Variants in EYS observed in about 807,000 individuals in gnomAD.
EYS encodes protein eyes shut homolog.
EYS carries 250 observed loss-of-function variants against 282.1 expected under a neutral mutation model. The observed-to-expected ratio is 0.89, with a 90% confidence interval of 0.80 to 0.98. EYS has a LOEUF of 0.98. Ranked by LOEUF, EYS falls within the 50% of genes least tolerant of loss-of-function variation. The pLI is 0.00. For missense variants in EYS, 4,016 were observed against 3,709.0 expected, an observed-to-expected ratio of 1.08 and a Z score of -2.15; for synonymous variants, 1,355 against 1,282.9, an observed-to-expected ratio of 1.06 and a Z score of -1.20.
intron 41 of EYS, among the ~76,000 whole-genome samples, chr6:63,746,526 T>G (rs1231032831): frequency 6.6e-6 from 1 of 152,224 alleles, no homozygotes; most frequent in Non-Finnish European, 1.5e-5. Flanking sequence ...GTACCTCTGG[T>G]AGAATTTGGC....
chr6:65,451,957 G>A (rs1476850474), intron 5 of EYS, among the ~76,000 whole-genome samples: 1 of 151,678 alleles, frequency 6.6e-6, no homozygotes, highest in Non-Finnish European at 1.5e-5. Flanking sequence ...CTTGTTAAAT[G>A]TTTTAAAGGA....
chr6:63,814,707 G>A (rs1472198409), intron 36 of EYS, among the ~76,000 whole-genome samples: 1 of 152,110 alleles, frequency 6.6e-6, no homozygotes, highest in African/African-American at 2.4e-5. Context: ...CTAGGTACTG[G>A]TAGGATGTTT....
chr6:65,409,697 T>A (rs1029267939), intron 5 of EYS, among the ~76,000 whole-genome samples: 81 of 152,124 alleles, frequency 5.3e-4, no homozygotes, highest in Non-Finnish European at 7.5e-4. Context: ...AACATATTTA[T>A]TGAAAAATTT....
chr6:64,817,358 A>G (rs1349944040), intron 21 of EYS, among the ~76,000 whole-genome samples: 6 of 152,182 alleles, frequency 3.9e-5, no homozygotes, highest in Admixed American at 2.0e-4. Flanking sequence ...ACTATGTACT[A>G]ATGAAAGAAT....
intron 19 of EYS, among the ~76,000 whole-genome samples, chr6:64,827,004 A>C (rs981727891): frequency 4.0e-5 from 6 of 151,754 alleles, no homozygotes; most frequent in Admixed American, 6.6e-5. Flanking sequence ...CTCCTGGTTT[A>C]TAAACCTGAT....
intron 36 of EYS, among the ~76,000 whole-genome samples, chr6:63,833,019 C>T (rs1771690204): frequency 6.6e-6 from 1 of 152,146 alleles, no homozygotes; most frequent in African/African-American, 2.4e-5. Context: ...TTCAGCAGGC[C>T]TTCATGCTAA....
In EYS at chr6:64,081,856, T is replaced by C; in HGVS notation, c.6571A>G (p.Ser2191Gly). Residue 2191 changes from serine (S) to glycine (G), a missense_variant and splice_region_variant, in exon 32 of 43, where the codon AGT (serine) becomes GGT (glycine). Coordinates refer to ENST00000503581, the MANE Select transcript of EYS (RefSeq NM_001142800.2). ...TNSLNGTILY[S>G]NGNNCGKQFL... is the part of the protein sequence containing the mutation. ...AAGAAGTCAAACATTTAATACTCAC[T>C]GTAAAGAATAGTTCCATTTAAACTG... 1.3e-6 allele frequency: 2 copies of C among 1,513,024 alleles called. No homozygotes were observed. Among genetic ancestry groups the C allele is most frequent in the Non-Finnish European group, 1.8e-6 (2 of 1,120,398 alleles). 93.7% of individuals were successfully genotyped at this position (1,513,024 alleles called of 1,614,324 possible). A position where few individuals can be genotyped will look rare whatever the true frequency, so the allele number is the denominator to read the frequency against.
intron 19 of EYS, among the ~76,000 whole-genome samples, chr6:64,826,081 TTA>T (rs1288633119): frequency 6.6e-6 from 1 of 151,854 alleles, no homozygotes; most frequent in African/African-American, 2.4e-5. Context: ...CTACATTGCC[TTA>T]TATACCAGGT....
intron 23 of EYS, among the ~76,000 whole-genome samples, chr6:64,618,354 C>T (rs1190880389): frequency 6.6e-6 from 1 of 152,142 alleles, no homozygotes; most frequent in Admixed American, 6.5e-5. Flanking sequence ...ATGCTAGCCA[C>T]AACATCATGT....
chr6:65,515,075 A>C (rs1767070053), intron 2 of EYS, among the ~76,000 whole-genome samples: 2 of 152,210 alleles, frequency 1.3e-5, no homozygotes, highest in African/African-American at 4.8e-5. Flanking sequence ...ATCTACAACG[A>C]ACTCAAACAA....
chr6:65,332,690 G>T (rs1769839580), intron 11 of EYS, among the ~76,000 whole-genome samples: 1 of 150,800 alleles, frequency 6.6e-6, no homozygotes, highest in Admixed American at 6.6e-5. Context: ...ATTTTTGGAG[G>T]AGGTGGTGAA....
intron 33 of EYS, among the ~76,000 whole-genome samples, chr6:64,053,192 C>G (rs1249952574): frequency 2.6e-5 from 4 of 151,760 alleles, no homozygotes; most frequent in Non-Finnish European, 5.9e-5. Context: ...AATATATTAT[C>G]AAAATTAGAA....
chr6:65,216,444 A>G (rs1766316879), intron 12 of EYS, among the ~76,000 whole-genome samples: 1 of 152,008 alleles, frequency 6.6e-6, no homozygotes, highest in African/African-American at 2.4e-5. Context: ...TTACTACTTT[A>G]TAGCATTAAT....
chr6:64,341,144 G>C (rs140197730), intron 29 of EYS, among the ~76,000 whole-genome samples: 28 of 151,796 alleles, frequency 1.8e-4, no homozygotes, highest in Middle Eastern at 3.4e-3. Context: ...CCCCAAAGAA[G>C]TTTGGAGATT....
At chr6:65,139,246 C>A (rs1007909065) in intron 12 of EYS, among the ~76,000 whole-genome samples, 1 of 151,986 alleles carries the variant, frequency 6.6e-6, no homozygotes, top group Non-Finnish European at 1.5e-5. Context: ...GAATACTATG[C>A]AGCCATAAAA....
chr6:65,698,029 T>C (rs911087765), intron 1 of EYS, among the ~76,000 whole-genome samples: 2 of 152,106 alleles, frequency 1.3e-5, no homozygotes, highest in African/African-American at 4.8e-5. Flanking sequence ...TGAAACATTG[T>C]CAGGTAATAT....
chr6:64,479,594 C>T (rs1776374774), intron 26 of EYS, among the ~76,000 whole-genome samples: 1 of 151,886 alleles, frequency 6.6e-6, no homozygotes, highest in Non-Finnish European at 1.5e-5. Flanking sequence ...TATGAGGCCA[C>T]TTTTTTTGTT....
intron 19 of EYS, among the ~76,000 whole-genome samples, chr6:64,837,531 A>C (rs1164239166): frequency 2.0e-5 from 3 of 150,382 alleles, no homozygotes; most frequent in Non-Finnish European, 4.5e-5. Flanking sequence ...AAAAAGAGTA[A>C]GTCAAATTGT....
At chr6:64,352,058 TA>T (rs1272531085) in intron 29 of EYS, among the ~76,000 whole-genome samples, 1 of 151,562 alleles carries the variant, frequency 6.6e-6, no homozygotes, top group Non-Finnish European at 1.5e-5. Flanking sequence ...CCTCCTATAT[TA>T]ATCTTTACTT....
Sources: allele counts gnomAD v4.1 joint callset (sites outside exome capture counted in the v4.1 genomes callset), GRCh38; gene constraint gnomAD v4.1.1; transcripts MANE v1.5; gene names NCBI Gene and HGNC (gene_info 2026-07-23, HGNC 2026-07-21).